The following PAPPA variants were observed in gnomAD, a reference collection of about 807,000 sequenced individuals.
PAPPA encodes pappalysin 1, also known as pappalysin-1.
Under a neutral mutation model 164.0 loss-of-function variants are expected in PAPPA, and 60 were observed. That is an observed-to-expected ratio of 0.37 (90% confidence interval 0.30 to 0.45). The LOEUF (loss-of-function observed/expected upper bound fraction) is 0.45. PAPPA is among the 20% of genes least tolerant of loss of function. PAPPA has a pLI of 1.00. For missense variants in PAPPA, 1,782 were observed against 2,087.3 expected (o/e 0.85, Z 2.85); for synonymous variants, 875 against 814.1 (o/e 1.07, Z -1.27).
At chr9:116,254,586 T>G (rs1193712253) in intron 7 of PAPPA, among the ~76,000 whole-genome samples, 3 of 151,848 alleles carry the variant, frequency 2.0e-5, no homozygotes, top group Non-Finnish European at 2.9e-5. Context: ...ATCGAGACCA[T>G]CCCGGCTAAT....
At chr9:116,369,916 A>T (rs1453794160) in intron 19 of PAPPA, among the ~76,000 whole-genome samples, 2 of 152,102 alleles carry the variant, frequency 1.3e-5, no homozygotes, top group Non-Finnish European at 2.9e-5. Flanking sequence ...AATGTGGTAG[A>T]AAAAGGGAGG....
At position 116,220,039 on chromosome 9, in the gene PAPPA, C is replaced by T. The variant is rs1179623524; in HGVS notation, c.2021C>T (p.Pro674Leu). The change falls in exon 5 of 22, where the codon CCT (proline) becomes CTT (leucine). Residue 674 changes from proline to leucine, a missense_variant. By Grantham distance (98) the Pro-to-Leu change is moderately conservative (BLOSUM62 -3). Coordinates refer to ENST00000328252, the MANE Select transcript of PAPPA (RefSeq NM_002581.5). The part of the protein sequence containing the change: ...QGWQPSRKPA[P>L]VALAPQVLGH... ...TGGCAGCCCTCCAGGAAACCAGCGCCTGTTGCCCTCGCCCCCCAAGTTCTG... is the reference window on the plus strand; with the variant it reads ...TGGCAGCCCTCCAGGAAACCAGCGCTTGTTGCCCTCGCCCCCCAAGTTCTG... 3 of 1,614,056 alleles carry T rather than the reference C, an allele frequency of 1.9e-6. No homozygotes were observed. In the African/African-American group the frequency reaches 4.0e-5, roughly 22 times the overall value.
chr9:116,360,255 G>C (rs1253260679), intron 17 of PAPPA, among the ~76,000 whole-genome samples: 1 of 151,124 alleles, frequency 6.6e-6, no homozygotes, highest in African/African-American at 2.4e-5. Context: ...CTAGAGCCTG[G>C]GGCTCTGAGA....
rs145409256 is a variant in PAPPA, at chr9:116,187,746, G to A, written c.1008G>A (p.Glu336=). The A allele has an allele frequency of 2.5e-6, 4 of 1,614,152 alleles. No individual in the cohort carries two copies. Among genetic ancestry groups the A allele is most frequent in the Non-Finnish European group, 2.5e-6 (3 of 1,180,062 alleles). Residue 336 remains glutamate, a synonymous_variant, in exon 2 of 22, where the codon GAG becomes GAA. Coordinates refer to ENST00000328252, the MANE Select transcript of PAPPA (RefSeq NM_002581.5). This position sits in a 1 kb window ranked among gnomAD's most constrained non-coding sequence, Gnocchi z 4.2. ...LCGQTLCDNT[E]VIASYNQLSS... ...GACAGACATTGTGTGACAACACAGA[G>A]GTCATTGCCAGCTACAATCAGCTCT... is the stretch of plus-strand genomic sequence containing the variant.
chr9:116,279,824 A>C (rs537532466), intron 9 of PAPPA, among the ~76,000 whole-genome samples: 1 of 152,246 alleles, frequency 6.6e-6, no homozygotes, highest in East Asian at 1.9e-4. Flanking sequence ...GCCTTTTCTT[A>C]GCTCCTGGCT....
At chr9:116,306,887 A>G (rs1845653455) in intron 10 of PAPPA, among the ~76,000 whole-genome samples, 1 of 152,240 alleles carries the variant, frequency 6.6e-6, no homozygotes, top group Admixed American at 6.5e-5. Context: ...AAATGGAAAT[A>G]CTAAGACTAT....
At chr9:116,380,293 A>AATGAATGG (rs1846711117) in intron 20 of PAPPA, among the ~76,000 whole-genome samples, 1 of 151,492 alleles carries the variant, frequency 6.6e-6, no homozygotes, top group Non-Finnish European at 1.5e-5. Flanking sequence ...AGGATAAATG[A>AATGAATGG]ATGGATGGAT....
intron 1 of PAPPA, among the ~76,000 whole-genome samples, chr9:116,168,898 A>C (rs1025167481): frequency 6.6e-6 from 1 of 152,218 alleles, no homozygotes; most frequent in Non-Finnish European, 1.5e-5. Flanking sequence ...TCCTTGGAGC[A>C]GAGACCATTT....
chr9:116,302,467 G>A (rs191278206), intron 9 of PAPPA, among the ~76,000 whole-genome samples: 4 of 151,534 alleles, frequency 2.6e-5, no homozygotes, highest in Non-Finnish European at 4.4e-5. Flanking sequence ...TCTATAAGTC[G>A]AATCATGCAG....
At position 116,265,838 on chromosome 9, in the gene PAPPA, T is replaced by C. The variant is rs751565511; in HGVS notation, c.2733-19T>C. ...CCAGTATTGTAATTGTATAATTATG[T>C]CTTCTTTGTATTTTCCAGGGATCTA... On this transcript the variant is annotated intron_variant, in intron 7 of 21. Transcript: ENST00000328252. 2 of 1,579,204 alleles carry C rather than the reference T, an allele frequency of 1.3e-6. No individual in the cohort carries two copies. The highest frequency in any genetic ancestry group is 2.2e-5 in the South Asian group (2 of 89,116).
intron 19 of PAPPA, among the ~76,000 whole-genome samples, chr9:116,374,177 T>C (rs1244131789): frequency 8.6e-6 from 1 of 116,342 alleles, no homozygotes; most frequent in Non-Finnish European, 1.9e-5. Flanking sequence ...GTGTTGATGA[T>C]GATGATGGTG....
chr9:116,183,321 C>T (rs920655500), intron 1 of PAPPA, among the ~76,000 whole-genome samples: 2 of 152,188 alleles, frequency 1.3e-5, no homozygotes, highest in South Asian at 2.1e-4. Context: ...CTTCTCCTTA[C>T]AAGGAACCAT....
chr9:116,381,924 T>G (rs944063104), intron 20 of PAPPA, among the ~76,000 whole-genome samples: 2 of 152,272 alleles, frequency 1.3e-5, no homozygotes, highest in Non-Finnish European at 2.9e-5. Flanking sequence ...TTCTTACATT[T>G]TATCTTAATG....
chr9:116,203,043 A>G (rs1208187813), intron 2 of PAPPA, among the ~76,000 whole-genome samples: 2 of 152,172 alleles, frequency 1.3e-5, no homozygotes, highest in African/African-American at 4.8e-5. Flanking sequence ...GTGGTCAGAT[A>G]TTCAGGCAAT....
chr9:116,352,992 A>C, intron 16 of PAPPA, 76 bp downstream of exon 16: 1 of 1,067,318 alleles, frequency 9.4e-7, no homozygotes, highest in Non-Finnish European at 1.4e-6. Context: ...ACTGGACGGA[A>C]GCACTCATTT....
chr9:116,401,212 T>C lies in PAPPA; in HGVS notation c.*4596T>C, dbSNP rs1034340805. The C allele has an allele frequency of 2.0e-5, 3 of 152,550 alleles. No individual in the cohort carries two copies. Among genetic ancestry groups the C allele is most frequent in the African/African-American group, 7.2e-5 (3 of 41,440 alleles). The allele number at this position is 152,550 out of a possible 1,614,324, so 9.4% of individuals were successfully genotyped here. On this transcript the variant is annotated 3_prime_UTR_variant, in exon 22 of 22. Coordinates refer to ENST00000328252, the MANE Select transcript of PAPPA (RefSeq NM_002581.5). ...TCTTACCCTTTACCAGTTCTATAATTTGGTTAAAAGCTGATTATGTCCTAC... is the reference window on the plus strand; with the variant it reads ...TCTTACCCTTTACCAGTTCTATAATCTGGTTAAAAGCTGATTATGTCCTAC...
At chr9:116,169,150 C>A (rs184365885) in intron 1 of PAPPA, among the ~76,000 whole-genome samples, 2 of 152,018 alleles carry the variant, frequency 1.3e-5, no homozygotes, top group Non-Finnish European at 1.5e-5. Context: ...TGAGATATGG[C>A]CCTGGTCTCT....
intron 9 of PAPPA, among the ~76,000 whole-genome samples, chr9:116,291,231 CT>C (rs1163411430): frequency 6.6e-6 from 1 of 152,112 alleles, no homozygotes; most frequent in Non-Finnish European, 1.5e-5. Flanking sequence ...AAATTTTACT[CT>C]AATATGTGCT....
chr9:116,157,461 G>A (rs764455934), intron 1 of PAPPA, among the ~76,000 whole-genome samples: 1 of 152,246 alleles, frequency 6.6e-6, no homozygotes, highest in Non-Finnish European at 1.5e-5. Flanking sequence ...AAGTGCCTAT[G>A]TGTAGGATTC....
Sources: allele counts gnomAD v4.1 joint callset (sites outside exome capture counted in the v4.1 genomes callset), GRCh38; gene constraint gnomAD v4.1.1; non-coding constraint Gnocchi (gnomAD v3.1); transcripts MANE v1.5; gene names NCBI Gene and HGNC (gene_info 2026-07-23, HGNC 2026-07-21).